TAMM41: variants seen among roughly 807,000 people sequenced by gnomAD.
The protein encoded by TAMM41 is phosphatidate cytidylyltransferase, mitochondrial.
Under a neutral mutation model 44.1 loss-of-function variants are expected in TAMM41, and 36 were observed. The ratio of observed to expected loss-of-function variants is 0.82; its 90% confidence interval spans 0.63 to 1.08. The LOEUF is 1.08. Among genes scored for constraint, TAMM41 ranks in the 50% least tolerant of loss-of-function variants. The pLI, the probability that TAMM41 is intolerant of heterozygous loss-of-function variation, is 0.00. For synonymous variants in TAMM41, 164 were observed against 153.1 expected (o/e 1.07, Z -0.53); for missense variants, 417 against 404.3 (o/e 1.03, Z -0.27).
At chr3:11,833,398 T>C (rs1309692510) in intron 3 of TAMM41, among the ~76,000 whole-genome samples, 1 of 152,222 alleles carries the variant, frequency 6.6e-6, no homozygotes, top group East Asian at 1.9e-4. Flanking sequence ...ACTACTTGAA[T>C]TGCAGAGTGA....
the TAMM41 span, among the ~76,000 whole-genome samples, chr3:11,751,090 T>A: frequency 9.6e-5 from 3 of 31,384 alleles, no homozygotes; most frequent in Non-Finnish European, 2.1e-4. Context: ...CAGATGATAC[T>A]TTTTTTTTTT....
rs551735474 is a variant in TAMM41 at position 11,824,393 on chromosome 3, G to A, written c.562+5321C>T. ...TTTTTTTTTTTTGTGACAAAGTCTC[G>A]CTCTGTTGTCAGGCTGGAGTGCAGT... is the stretch of plus-strand genomic sequence containing the variant. On this transcript the variant is annotated intron_variant, in intron 4 of 7. Transcript: ENST00000455809. 3.0e-4 allele frequency among the ~76,000 whole-genome samples: 38 copies of A among 127,308 alleles called. 1 individual carries two copies. In the Middle Eastern group the frequency reaches 0.03, roughly 102 times the overall value. 83.5% of individuals were successfully genotyped at this position (127,308 alleles called of 152,430 possible). A position where few individuals can be genotyped will look rare whatever the true frequency, so the allele number is the denominator to read the frequency against.
chr3:11,722,840 G>A, the TAMM41 span, among the ~76,000 whole-genome samples: 7 of 152,294 alleles, frequency 4.6e-5, no homozygotes, highest in South Asian at 2.1e-4. Context: ...GTGGTGGCAC[G>A]CTGCTATAAT....
chr3:11,740,068 C>T, the TAMM41 span, among the ~76,000 whole-genome samples: 4 of 149,730 alleles, frequency 2.7e-5, no homozygotes, highest in African/African-American at 1.0e-4. Flanking sequence ...TGGAAAACCA[C>T]ATAAGGCAAA....
At chr3:11,738,880 C>T in the TAMM41 span, among the ~76,000 whole-genome samples, 2 of 152,212 alleles carry the variant, frequency 1.3e-5, no homozygotes, top group Non-Finnish European at 2.9e-5. Flanking sequence ...GACCCTGATG[C>T]AGGCTGAAGT....
intron 1 of TAMM41, 37 bp from the exon 2 acceptor site, chr3:11,844,248 A>G (rs2125071418): frequency 6.3e-7 from 1 of 1,595,158 alleles, no homozygotes; most frequent in Middle Eastern, 1.7e-4. Flanking sequence ...TTCAGTATTA[A>G]TTCCTAGAAA....
chr3:11,754,652 G>A, the TAMM41 span, among the ~76,000 whole-genome samples: 1 of 150,636 alleles, frequency 6.6e-6, no homozygotes, highest in South Asian at 2.1e-4. Flanking sequence ...TTACAAACAT[G>A]AGCCACTACA....
chr3:11,738,981 T>G, the TAMM41 span, among the ~76,000 whole-genome samples: 1 of 152,212 alleles, frequency 6.6e-6, no homozygotes, highest in South Asian at 2.1e-4. Context: ...TTTTGGCCCC[T>G]TCACCCATCA....
chr3:11,734,314 A>C, the TAMM41 span, among the ~76,000 whole-genome samples: 1 of 152,218 alleles, frequency 6.6e-6, no homozygotes, highest in African/African-American at 2.4e-5. Flanking sequence ...GGCAGAACCA[A>C]GAGTTCCATT....
chr3:11,766,658 C>G, the TAMM41 span, among the ~76,000 whole-genome samples: 7 of 151,928 alleles, frequency 4.6e-5, no homozygotes, highest in African/African-American at 1.7e-4. Context: ...CCTTGACTTC[C>G]TGGGCTCAAG....
chr3:11,795,951 A>G (rs530578474), intron 7 of TAMM41, among the ~76,000 whole-genome samples: 1 of 152,304 alleles, frequency 6.6e-6, no homozygotes, highest in Non-Finnish European at 1.5e-5. Flanking sequence ...GATGAGAATG[A>G]TGTTATTCTA....
intron 7 of TAMM41, among the ~76,000 whole-genome samples, chr3:11,797,637 T>G (rs2077637853): frequency 6.6e-6 from 1 of 152,064 alleles, no homozygotes; most frequent in African/African-American, 2.4e-5. Context: ...AAATTTTAAA[T>G]GGGATCTAAT....
At chr3:11,810,397 A>T (rs2078051101) in intron 5 of TAMM41, among the ~76,000 whole-genome samples, 1 of 152,224 alleles carries the variant, frequency 6.6e-6, no homozygotes, top group South Asian at 2.1e-4. Flanking sequence ...TATGTGTCAG[A>T]CTTTACTCAG....
chr3:11,807,858 CTG>C lies in TAMM41; in HGVS notation c.910_911del (p.Gln304GlufsTer17). On this transcript the variant is annotated frameshift_variant, in exon 7 of 8. Coordinates refer to ENST00000455809, the MANE Select transcript of TAMM41 (RefSeq NM_001284401.2). LOFTEE classifies it high-confidence loss of function. ...SAIVRPSSIR[Q>X]STKGIFTAGL... ...CAGCAGTAAAAATGCCTTTCGTGCT[CTG>C]TCTTATACTAGACGGTCTCACGATT... 6.5e-7 allele frequency: 1 copy of C among 1,536,036 alleles called. No individual in the cohort carries two copies. The highest frequency in any genetic ancestry group is 2.4e-5 in the East Asian group (1 of 40,912).
At chr3:11,776,308 G>A in the TAMM41 span, among the ~76,000 whole-genome samples, 1,943 of 145,310 alleles carry the variant, frequency 0.013, 41 homozygotes, top group African/African-American at 0.045. Flanking sequence ...GTGAGCCACC[G>A]CGCCCGGCCA....
rs1315952763 is a variant in TAMM41, at chr3:11,799,638, GA to G, written c.937+8194del. Among the ~76,000 whole-genome samples, 20 of 152,268 alleles carry G rather than the reference GA, an allele frequency of 1.3e-4. 1 individual carries two copies. ...TAGAAGTGAAGAAAAGGCTGTGCAGGAAGAGAGGTTAAAATGTTTAGAAAAA... is the reference window on the plus strand; with the variant it reads ...TAGAAGTGAAGAAAAGGCTGTGCAGGAGAGAGGTTAAAATGTTTAGAAAAA... On this transcript the variant is annotated intron_variant, in intron 7 of 7. Coordinates refer to ENST00000455809, the MANE Select transcript of TAMM41 (RefSeq NM_001284401.2).
chr3:11,818,445 CA>C (rs1423237328), intron 4 of TAMM41, among the ~76,000 whole-genome samples: 1 of 152,164 alleles, frequency 6.6e-6, no homozygotes, highest in African/African-American at 2.4e-5. Context: ...TTTCCTAGTG[CA>C]AACTGTTGGC....
chr3:11,845,585 A>T (rs2079646547), intron 1 of TAMM41, among the ~76,000 whole-genome samples: 1 of 152,218 alleles, frequency 6.6e-6, no homozygotes, highest in African/African-American at 2.4e-5. Context: ...GGGAAAAATA[A>T]CTAGCCTATA....
chr3:11,765,059 T>A, the TAMM41 span, among the ~76,000 whole-genome samples: 70 of 152,336 alleles, frequency 4.6e-4, no homozygotes, highest in Middle Eastern at 6.8e-3. Context: ...TTTCCCACAC[T>A]GTTTTTATAG....
Sources: gnomAD v4.1 joint callset for allele counts (sites outside exome capture counted in the v4.1 genomes callset) on GRCh38, gnomAD v4.1.1 for gene constraint, MANE v1.5 for transcripts, NCBI Gene and HGNC (gene_info 2026-07-23, HGNC 2026-07-21) for gene names.